FUT9: variants seen among roughly 807,000 people sequenced by gnomAD.
The protein encoded by FUT9 is fucosyltransferase 9, also known as 4-galactosyl-N-acetylglucosaminide 3-alpha-L-fucosyltransferase 9.
A neutral mutation model predicts 29.7 loss-of-function variants in FUT9; 15 were observed. That is an observed-to-expected ratio of 0.51 (90% CI 0.34 to 0.78). The LOEUF is 0.78. Ranked by LOEUF, FUT9 falls within the 30% of genes least tolerant of loss-of-function variation. The pLI is 0.01. For synonymous variants in FUT9, 169 were observed against 153.7 expected, an observed-to-expected ratio of 1.10 and a Z score of -0.74; for missense variants, 319 against 425.4, an observed-to-expected ratio of 0.75 and a Z score of 2.20.
chr6:96,163,280 CTT>C (rs36099595), intron 2 of FUT9, among the ~76,000 whole-genome samples: 46 of 143,054 alleles, frequency 3.2e-4, no homozygotes, highest in Non-Finnish European at 4.1e-4. Flanking sequence ...CTTCCAAGCT[CTT>C]TTTTTTTTTT....
intron 1 of FUT9, among the ~76,000 whole-genome samples, chr6:96,026,574 C>T (rs1423281200): frequency 6.6e-6 from 1 of 151,640 alleles, no homozygotes; most frequent in Non-Finnish European, 1.5e-5. Flanking sequence ...TGTGTTATTA[C>T]ATATTTCCCA....
At chr6:96,070,200 A>G (rs1286468138) in intron 1 of FUT9, among the ~76,000 whole-genome samples, 2 of 152,198 alleles carry the variant, frequency 1.3e-5, no homozygotes, top group Non-Finnish European at 1.5e-5. Context: ...AAATAATTAC[A>G]TACTTAAAAT....
chr6:96,208,794 T>G lies in FUT9; in HGVS notation c.*4559T>G, dbSNP rs899565909. On this transcript the variant is annotated 3_prime_UTR_variant, in exon 3 of 3. Coordinates refer to ENST00000302103, the MANE Select transcript of FUT9 (RefSeq NM_006581.4). Reference sequence around the variant, plus strand: ...ATTAGTATTTAAGGAGAGTATAAAGTGCGAGCACTGTGAAGGGCAGATATC... The same window carrying G: ...ATTAGTATTTAAGGAGAGTATAAAGGGCGAGCACTGTGAAGGGCAGATATC... The G allele has an allele frequency of 2.4e-5, 4 of 166,794 alleles. No individual in the cohort carries two copies. Among genetic ancestry groups the G allele is most frequent in the African/African-American group, 9.7e-5 (4 of 41,444 alleles). The allele number at this position is 166,794 out of a possible 1,614,324, so 10.3% of individuals were successfully genotyped here.
intron 1 of FUT9, among the ~76,000 whole-genome samples, chr6:96,070,976 A>G (rs1260710814): frequency 6.6e-6 from 1 of 152,198 alleles, no homozygotes; most frequent in Non-Finnish European, 1.5e-5. Context: ...TAAATTTAGC[A>G]TATATATTTA....
chr6:96,140,809 GATT>G (rs1357430584), intron 2 of FUT9, among the ~76,000 whole-genome samples: 1 of 152,102 alleles, frequency 6.6e-6, no homozygotes, highest in Admixed American at 6.5e-5. Flanking sequence ...GACATGCTGA[GATT>G]ATGATCTACT....
intron 2 of FUT9, among the ~76,000 whole-genome samples, chr6:96,158,164 G>A (rs1432701333): frequency 6.6e-6 from 1 of 151,474 alleles, no homozygotes; most frequent in African/African-American, 2.4e-5. Flanking sequence ...TTACATTTGT[G>A]TCATTTTTGT....
At position 96,179,535 on chromosome 6, in the gene FUT9, A is replaced by AT. The variant is rs543359870; in HGVS notation, c.-8-23605dup. Among the ~76,000 whole-genome samples, 645 of 152,078 alleles carry AT rather than the reference A, an allele frequency of 4.2e-3. 2 individuals are homozygous for AT. Among genetic ancestry groups the AT allele is most frequent in the Non-Finnish European group, 7.7e-3 (524 of 67,952 alleles). ...ACAGGATTTATATGTTACTTTAACA[A>AT]TTTTTTTTGCTTATGCATTATTTAA... On this transcript the variant is annotated intron_variant, in intron 2 of 2. Transcript: ENST00000302103.
intron 2 of FUT9, among the ~76,000 whole-genome samples, chr6:96,138,468 C>T (rs1414730541): frequency 7.2e-6 from 1 of 139,776 alleles, no homozygotes; most frequent in Non-Finnish European, 1.5e-5. Context: ...AGCACAAGCA[C>T]CTATGTGTTC....
intron 2 of FUT9, among the ~76,000 whole-genome samples, chr6:96,185,507 G>A (rs1399069249): frequency 6.6e-6 from 1 of 151,988 alleles, no homozygotes; most frequent in East Asian, 1.9e-4. Flanking sequence ...GGAAGATGGA[G>A]GTTCTTTAAT....
chr6:96,180,512 T>C (rs1177125191), intron 2 of FUT9, among the ~76,000 whole-genome samples: 1 of 152,092 alleles, frequency 6.6e-6, no homozygotes, highest in African/African-American at 2.4e-5. Flanking sequence ...TTGGTTTTAT[T>C]ATTATTTTTA....
chr6:96,115,573 A>G (rs1771894965), intron 2 of FUT9, among the ~76,000 whole-genome samples: 1 of 152,214 alleles, frequency 6.6e-6, no homozygotes, highest in African/African-American at 2.4e-5. Flanking sequence ...CATCAATGAC[A>G]CTAGCTGTAT....
intron 2 of FUT9, among the ~76,000 whole-genome samples, chr6:96,187,523 A>G (rs981309853): frequency 3.3e-5 from 5 of 152,166 alleles, no homozygotes; most frequent in African/African-American, 9.6e-5. Context: ...TGGAATCCAT[A>G]TAAAACTCCT....
At chr6:96,110,511 T>C (rs940191718) in intron 1 of FUT9, among the ~76,000 whole-genome samples, 1 of 152,152 alleles carries the variant, frequency 6.6e-6, no homozygotes, top group Admixed American at 6.5e-5. Flanking sequence ...TCCCCTCAAC[T>C]TAATTAAGAA....
chr6:96,124,147 TTTTTTC>T (rs955869576), intron 2 of FUT9, among the ~76,000 whole-genome samples: 3 of 139,898 alleles, frequency 2.1e-5, no homozygotes, highest in African/African-American at 5.4e-5. Context: ...TCTTTTTTTC[TTTTTTC>T]TTTTTTTTTT....
chr6:96,170,583 GTAATAAAA>G (rs1773095287), intron 2 of FUT9, among the ~76,000 whole-genome samples: 1 of 150,378 alleles, frequency 6.6e-6, no homozygotes, highest in Non-Finnish European at 1.5e-5. Flanking sequence ...CAATTGAATA[GTAATAAAA>G]TAAGAAAATA....
intron 2 of FUT9, among the ~76,000 whole-genome samples, chr6:96,120,265 C>A (rs1005888224): frequency 8.6e-6 from 1 of 116,156 alleles, no homozygotes. Context: ...TTTCTTTTTT[C>A]TTTCTTTTTT....
chr6:96,176,138 G>C (rs571526677), intron 2 of FUT9, among the ~76,000 whole-genome samples: 2 of 152,234 alleles, frequency 1.3e-5, no homozygotes, highest in South Asian at 4.1e-4. Flanking sequence ...TGGACCGAGA[G>C]TTACATGGCC....
chr6:96,050,356 G>C (rs1255355166), intron 1 of FUT9, among the ~76,000 whole-genome samples: 3 of 152,094 alleles, frequency 2.0e-5, no homozygotes, highest in Non-Finnish European at 4.4e-5. Context: ...AACAGAAATA[G>C]GGTTCTGTTT....
intron 2 of FUT9, among the ~76,000 whole-genome samples, chr6:96,191,736 G>A (rs896353583): frequency 6.6e-6 from 1 of 152,018 alleles, no homozygotes; most frequent in Non-Finnish European, 1.5e-5. Context: ...TTTTATTTTG[G>A]TGTTATCCTG....
Sources: gnomAD v4.1 joint callset for allele counts (sites outside exome capture counted in the v4.1 genomes callset) on GRCh38, gnomAD v4.1.1 for gene constraint, MANE v1.5 for transcripts, NCBI Gene and HGNC (gene_info 2026-07-23, HGNC 2026-07-21) for gene names.